The following ARID1B variants were observed in gnomAD, a reference collection of about 807,000 sequenced individuals.
ARID1B encodes AT-rich interaction domain 1B.
Under a neutral mutation model 212.3 loss-of-function variants are expected in ARID1B, and 30 were observed. That is an observed-to-expected ratio of 0.14 (90% CI 0.11 to 0.19). The LOEUF (loss-of-function observed/expected upper bound fraction) is 0.19, where lower values mean the gene tolerates loss of function less well. Among genes scored for constraint, ARID1B ranks in the 10% least tolerant of loss-of-function variants. The pLI is 1.00. For missense variants in ARID1B, 2,891 were observed against 3,204.0 expected (o/e 0.90, Z 2.36); for synonymous variants, 1,402 against 1,301.7 (o/e 1.08, Z -1.66).
At chr6:156,932,780 G>C (rs548129945) in intron 3 of ARID1B, among the ~76,000 whole-genome samples, 4 of 152,148 alleles carry the variant, frequency 2.6e-5, no homozygotes, top group Non-Finnish European at 4.4e-5. Context: ...ATTGTTCTAG[G>C]TTTAAACTTG....
At chr6:157,103,891 A>C (rs1357402927) in intron 5 of ARID1B, among the ~76,000 whole-genome samples, 1 of 139,706 alleles carries the variant, frequency 7.2e-6, no homozygotes, top group Non-Finnish European at 1.5e-5. Context: ...GCTGGAGGGC[A>C]GTAATGTGAT....
chr6:157,106,249 A>G (rs1786469073), intron 5 of ARID1B, among the ~76,000 whole-genome samples: 1 of 152,200 alleles, frequency 6.6e-6, no homozygotes, highest in South Asian at 2.1e-4. Flanking sequence ...GGTGTGCCAC[A>G]AACTTACCAG....
chr6:156,806,988 C>T (rs555622336), intron 1 of ARID1B, among the ~76,000 whole-genome samples: 1 of 152,246 alleles, frequency 6.6e-6, no homozygotes, highest in Admixed American at 6.5e-5. Context: ...TGATTTCTTT[C>T]CCCCAACCAT....
intron 4 of ARID1B, chr6:156,941,715 T>C (rs1045949483): frequency 2.0e-5 from 3 of 152,152 alleles, no homozygotes; most frequent in African/African-American, 7.2e-5. Flanking sequence ...TCTGTCTCCT[T>C]CTTTCAAAAC....
intron 3 of ARID1B, among the ~76,000 whole-genome samples, chr6:156,921,494 A>C (rs968712740): frequency 2.1e-5 from 3 of 141,482 alleles, no homozygotes; most frequent in Admixed American, 1.4e-4. Flanking sequence ...CACACACACA[A>C]AATGTAAGGG....
At chr6:157,128,297 G>C (rs1788294774) in intron 6 of ARID1B, among the ~76,000 whole-genome samples, 1 of 152,124 alleles carries the variant, frequency 6.6e-6, no homozygotes. Flanking sequence ...TCTATTATGT[G>C]TCATGTACCT....
At chr6:157,118,273 GTTC>G (rs1430988618) in intron 6 of ARID1B, among the ~76,000 whole-genome samples, 2 of 152,194 alleles carry the variant, frequency 1.3e-5, no homozygotes, top group East Asian at 1.9e-4. Context: ...AAACCGTGTT[GTTC>G]TTCTTTCTAT....
chr6:156,815,365 C>T (rs1490719538), intron 1 of ARID1B, among the ~76,000 whole-genome samples: 1 of 152,180 alleles, frequency 6.6e-6, no homozygotes, highest in South Asian at 2.1e-4. Context: ...TATTAATTCA[C>T]TTAGCAGAAG....
At chr6:156,960,028 T>A (rs1794260319) in intron 4 of ARID1B, among the ~76,000 whole-genome samples, 1 of 150,644 alleles carries the variant, frequency 6.6e-6, no homozygotes. Flanking sequence ...CCTCCCAGAT[T>A]CAAGCGATTC....
At chr6:157,021,357 C>T (rs999085216) in intron 4 of ARID1B, among the ~76,000 whole-genome samples, 1 of 152,228 alleles carries the variant, frequency 6.6e-6, no homozygotes, top group Non-Finnish European at 1.5e-5. Flanking sequence ...GGGAGTGGGA[C>T]CACCAGGCAG....
rs1270412817 is a variant in ARID1B at position 157,167,036 on chromosome 6, G to C, written c.3090-4G>C. 1.2e-6 allele frequency: 2 copies of C among 1,610,158 alleles called. No homozygotes were observed. Among genetic ancestry groups the C allele is most frequent in the Non-Finnish European group, 1.7e-6 (2 of 1,179,950 alleles). On this transcript the variant is annotated splice_region_variant and splice_polypyrimidine_tract_variant and intron_variant, in intron 8 of 19. Transcript: ENST00000636930. ...TATGTGTGCTGTGCTTTCTCTTCCT[G>C]TAGGCAAGGCAGTTTCCCCGGCATG...
At position 157,084,730 on chromosome 6, in the gene ARID1B, A is replaced by G. The variant is rs745528262; in HGVS notation, c.2316A>G (p.Ala772=). ...TEATLSSAVS[A]SGSTSSQGDQ... is the part of the protein sequence containing the mutation. ...CAACTTTGAGCTCAGCAGTCAGTGC[A>G]TCCGGGTCCACGAGCAGCCAAGGGG... Residue 772 remains alanine, a synonymous_variant, in exon 5 of 20, where the codon GCA becomes GCG. Transcript: ENST00000636930. The G allele has an allele frequency of 9.9e-6, 16 of 1,614,046 alleles. No individual in the cohort carries two copies. The highest frequency in any genetic ancestry group is 8.3e-5 in the Admixed American group (5 of 60,006).
At chr6:156,795,676 C>A (rs140233385) in intron 1 of ARID1B, among the ~76,000 whole-genome samples, 1 of 152,090 alleles carries the variant, frequency 6.6e-6, no homozygotes, top group African/African-American at 2.4e-5. Flanking sequence ...AAGCACTCAG[C>A]GGACACCTTC....
At chr6:156,899,164 G>A (rs1372440902) in intron 2 of ARID1B, among the ~76,000 whole-genome samples, 1 of 152,212 alleles carries the variant, frequency 6.6e-6, no homozygotes, top group Non-Finnish European at 1.5e-5. Flanking sequence ...ATATGACTTA[G>A]GAAGGCAGTC....
chr6:156,839,148 T>C (rs1261778975), intron 2 of ARID1B, among the ~76,000 whole-genome samples: 1 of 152,146 alleles, frequency 6.6e-6, no homozygotes, highest in Non-Finnish European at 1.5e-5. Context: ...GGTTAGTGTC[T>C]TAGTTTCTTT....
intron 18 of ARID1B, among the ~76,000 whole-genome samples, chr6:157,202,790 GTATT>G (rs1184683073): frequency 1.3e-5 from 2 of 150,718 alleles, no homozygotes; most frequent in African/African-American, 2.4e-5. Context: ...GTGTGTGTGT[GTATT>G]TATATGGGGT....
intron 2 of ARID1B, among the ~76,000 whole-genome samples, chr6:156,882,153 A>G (rs1787148614): frequency 6.6e-6 from 1 of 151,750 alleles, no homozygotes; most frequent in South Asian, 2.1e-4. Context: ...GCTGTTCAAC[A>G]GATCTTACTC....
chr6:156,930,749 A>G (rs1235463085), intron 3 of ARID1B, among the ~76,000 whole-genome samples: 1 of 152,116 alleles, frequency 6.6e-6, no homozygotes, highest in Non-Finnish European at 1.5e-5. Flanking sequence ...TTAGTTGCAG[A>G]TATAGAATGA....
intron 4 of ARID1B, among the ~76,000 whole-genome samples, chr6:157,000,583 A>T (rs1778847513): frequency 6.6e-6 from 1 of 151,968 alleles, no homozygotes; most frequent in Admixed American, 6.6e-5. Flanking sequence ...TGCTATATGG[A>T]TGTGGAACAA....
Sources: gnomAD v4.1 joint callset for allele counts (sites outside exome capture counted in the v4.1 genomes callset) on GRCh38, gnomAD v4.1.1 for gene constraint, MANE v1.5 for transcripts, NCBI Gene and HGNC (gene_info 2026-07-23, HGNC 2026-07-21) for gene names.